SLMAP: variants seen among roughly 807,000 people sequenced by gnomAD.
The protein encoded by SLMAP is sarcolemma associated protein.
A neutral mutation model predicts 128.8 loss-of-function variants in SLMAP; 44 were observed. The observed-to-expected ratio is 0.34, with a 90% CI of 0.27 to 0.44. The LOEUF (loss-of-function observed/expected upper bound fraction) is 0.44. Among genes scored for constraint, SLMAP ranks in the 20% least tolerant of loss-of-function variants. SLMAP has a pLI of 1.00. For missense variants in SLMAP, 787 were observed against 985.3 expected, an observed-to-expected ratio of 0.80 and a Z score of 2.69; for synonymous variants, 327 against 348.8, an observed-to-expected ratio of 0.94 and a Z score of 0.70.
chr3:57,804,293 C>T (rs2089311894), intron 2 of SLMAP, among the ~76,000 whole-genome samples: 1 of 151,968 alleles, frequency 6.6e-6, no homozygotes, highest in Non-Finnish European at 1.5e-5. Flanking sequence ...AAATGCTTTT[C>T]GTTGTTACAT....
At position 57,906,310 on chromosome 3, in the gene SLMAP, CTTTTTTTTTTTT is replaced by C. The variant is rs999042505; in HGVS notation, c.1502-1563_1502-1552del. On this transcript the variant is annotated intron_variant, in intron 17 of 24. Coordinates refer to ENST00000671191, the MANE Select transcript of SLMAP (RefSeq NM_001377540.1). ...GAATCAAATTTTTTTCTTTTTTTTT[CTTTTTTTTTTTT>C]TTTTTTTTTTAGAGACACAGTCACT... Among the ~76,000 whole-genome samples, 21 of 47,034 alleles carry C rather than the reference CTTTTTTTTTTTT, an allele frequency of 4.5e-4. 1 individual carries two copies. Among genetic ancestry groups the C allele is most frequent in the South Asian group, 1.8e-3 (2 of 1,088 alleles). The allele number at this position is 47,034 out of a possible 152,430, so 30.9% of individuals were successfully genotyped here. A position where few individuals can be genotyped will look rare whatever the true frequency, so the allele number is the denominator to read the frequency against.
At chr3:57,894,231 C>G (rs942415647) in intron 15 of SLMAP, among the ~76,000 whole-genome samples, 1 of 152,056 alleles carries the variant, frequency 6.6e-6, no homozygotes, top group African/African-American at 2.4e-5. Context: ...CTAATGATGT[C>G]TCTGTTGTAG....
chr3:57,896,688 G>C, intron 16 of SLMAP, 97 bp downstream of exon 16: 2 of 1,028,350 alleles, frequency 1.9e-6, no homozygotes, highest in Non-Finnish European at 1.3e-6. Flanking sequence ...TGTGTTTGGG[G>C]AAAAAAAAAA....
intron 7 of SLMAP, 49 bp downstream of exon 7, chr3:57,857,877 T>C: frequency 8.0e-7 from 1 of 1,249,806 alleles, no homozygotes; most frequent in African/African-American, 1.5e-5. Flanking sequence ...TAGTTTAATA[T>C]TCCATACATG....
chr3:57,766,021 C>T (rs1303195042), intron 2 of SLMAP, among the ~76,000 whole-genome samples: 8 of 142,198 alleles, frequency 5.6e-5, no homozygotes, highest in Middle Eastern at 7.4e-3. Flanking sequence ...TTTTTTGAGA[C>T]GGAGTCTTGC....
intron 2 of SLMAP, among the ~76,000 whole-genome samples, chr3:57,825,475 C>A (rs955854589): frequency 7.0e-6 from 1 of 142,394 alleles, no homozygotes; most frequent in Admixed American, 7.0e-5. Context: ...AATGCCTTTT[C>A]TGCATTGAGA....
intron 21 of SLMAP, among the ~76,000 whole-genome samples, chr3:57,914,604 C>A (rs534190863): frequency 6.7e-6 from 1 of 149,484 alleles, no homozygotes; most frequent in African/African-American, 2.5e-5. Context: ...TTTTTTGAGA[C>A]GGAGTTTTGC....
chr3:57,816,751 AAG>A, intron 2 of SLMAP, among the ~76,000 whole-genome samples: 1 of 152,316 alleles, frequency 6.6e-6, no homozygotes, highest in Non-Finnish European at 1.5e-5. Context: ...AGTTGGGGGA[AAG>A]TGTTTATTTT....
At chr3:57,875,945 A>G (rs2095595613) in intron 14 of SLMAP, among the ~76,000 whole-genome samples, 1 of 152,262 alleles carries the variant, frequency 6.6e-6, no homozygotes, top group Non-Finnish European at 1.5e-5. Context: ...ATTTTGGATT[A>G]CATATTAACA....
At chr3:57,818,649 CT>C (rs905813480) in intron 2 of SLMAP, among the ~76,000 whole-genome samples, 2 of 152,110 alleles carry the variant, frequency 1.3e-5, no homozygotes, top group African/African-American at 4.8e-5. Flanking sequence ...TTTGATCTTG[CT>C]TTCTCTTGTT....
intron 2 of SLMAP, among the ~76,000 whole-genome samples, chr3:57,780,747 G>T (rs892475942): frequency 6.6e-6 from 1 of 151,694 alleles, no homozygotes; most frequent in South Asian, 2.1e-4. Context: ...GGGCTCAAGC[G>T]ATCTTCCCAC....
intron 23 of SLMAP, among the ~76,000 whole-genome samples, chr3:57,924,664 G>A (rs1177548257): frequency 1.3e-5 from 2 of 152,200 alleles, no homozygotes; most frequent in Admixed American, 1.3e-4. Flanking sequence ...ACCGTGTCCA[G>A]CTCTGCCTGT....
chr3:57,906,317 T>TTTTTTTTTTTTTTTTTTTTG (rs1559513069), intron 17 of SLMAP, among the ~76,000 whole-genome samples: 2 of 121,738 alleles, frequency 1.6e-5, no homozygotes, highest in Admixed American at 8.8e-5. Flanking sequence ...TTTCTTTTTT[T>TTTTTTTTTTTTTTTTTTTTG]TTTTTTTTTT....
At chr3:57,911,603 T>C (rs1037125030) in intron 19 of SLMAP, among the ~76,000 whole-genome samples, 13 of 152,198 alleles carry the variant, frequency 8.5e-5, no homozygotes, top group Admixed American at 2.6e-4. Context: ...TTGTTTACTG[T>C]GTTAGATATT....
intron 2 of SLMAP, among the ~76,000 whole-genome samples, chr3:57,786,811 G>T (rs2153468840): frequency 6.8e-6 from 1 of 146,854 alleles, no homozygotes; most frequent in Admixed American, 7.0e-5. Context: ...TCGGCTCACT[G>T]CAAGCTCCGC....
At chr3:57,887,441 A>G (rs2095924643) in intron 14 of SLMAP, among the ~76,000 whole-genome samples, 1 of 151,948 alleles carries the variant, frequency 6.6e-6, no homozygotes, top group Non-Finnish European at 1.5e-5. Flanking sequence ...CGAACTCCTG[A>G]CCTCAGGTGA....
At chr3:57,883,116 G>A (rs1379938532) in intron 14 of SLMAP, among the ~76,000 whole-genome samples, 1 of 152,168 alleles carries the variant, frequency 6.6e-6, no homozygotes, top group African/African-American at 2.4e-5. Flanking sequence ...ATTCCCTCAA[G>A]GAATTCATAG....
chr3:57,833,103 CTG>C (rs1412526095), intron 3 of SLMAP, among the ~76,000 whole-genome samples: 1 of 152,206 alleles, frequency 6.6e-6, no homozygotes, highest in African/African-American at 2.4e-5. Context: ...CAAGGAATGT[CTG>C]TCTTCTTGGC....
At chr3:57,831,674 C>G in intron 3 of SLMAP, 144 bp downstream of exon 3, 1 of 508,934 alleles carries the variant, frequency 2.0e-6, no homozygotes, top group Non-Finnish European at 3.2e-6. Flanking sequence ...TTAAAAGTCT[C>G]ATACTTTCCG....
Sources: gnomAD v4.1 joint callset for allele counts (sites outside exome capture counted in the v4.1 genomes callset) on GRCh38, gnomAD v4.1.1 for gene constraint, MANE v1.5 for transcripts, NCBI Gene and HGNC (gene_info 2026-07-23, HGNC 2026-07-21) for gene names.